TMEM132B: variants seen among roughly 807,000 people sequenced by gnomAD.
TMEM132B encodes the protein transmembrane protein 132B.
TMEM132B carries 18 observed loss-of-function variants against 90.8 expected under a neutral mutation model. The ratio of observed to expected loss-of-function variants is 0.20; its 90% CI spans 0.14 to 0.29. The LOEUF is 0.29. TMEM132B is among the 10% of genes least tolerant of loss of function. The pLI, the probability that TMEM132B is intolerant of heterozygous loss-of-function variation, is 1.00. For synonymous variants in TMEM132B, 504 were observed against 523.3 expected (o/e 0.96, Z 0.50); for missense variants, 1,096 against 1,326.8 (o/e 0.83, Z 2.70).
chr12:125,432,421 ATG>A (rs1880546629), intron 3 of TMEM132B, among the ~76,000 whole-genome samples: 1 of 69,958 alleles, frequency 1.4e-5, no homozygotes, highest in Non-Finnish European at 2.8e-5. Flanking sequence ...ATATATATAT[ATG>A]TATGTGTATA....
rs1887093625 is a variant in TMEM132B, at chr12:125,657,427, G to T, written c.*2717G>T. 1 of 151,648 alleles carries T rather than the reference G, an allele frequency of 6.6e-6. No homozygotes were observed. Among genetic ancestry groups the T allele is most frequent in the Non-Finnish European group, 1.5e-5 (1 of 67,954 alleles). The allele number at this position is 151,648 out of a possible 1,614,324, so 9.4% of individuals were successfully genotyped here. Reference sequence around the variant, plus strand: ...TAAGAATCAACAGTGACTGTCAATTGTTCTCAGATTTGGCATGGATACTAT... The same window carrying T: ...TAAGAATCAACAGTGACTGTCAATTTTTCTCAGATTTGGCATGGATACTAT... On this transcript the variant is annotated 3_prime_UTR_variant, in exon 9 of 9. Coordinates refer to ENST00000682704, the MANE Select transcript of TMEM132B (RefSeq NM_001366854.1).
At chr12:125,260,858 G>A (rs956679208) in intron 1 of TMEM132B, among the ~76,000 whole-genome samples, 6 of 152,194 alleles carry the variant, frequency 3.9e-5, no homozygotes, top group African/African-American at 1.2e-4. Flanking sequence ...CGAGGATGCC[G>A]TGAGCTATGA....
chr12:125,366,451 G>A (rs555701098), intron 2 of TMEM132B, among the ~76,000 whole-genome samples: 7 of 152,136 alleles, frequency 4.6e-5, no homozygotes, highest in African/African-American at 1.7e-4. Context: ...CTTTTTGATA[G>A]TGCCATTTTA....
At chr12:125,534,021 G>A (rs1883724717) in intron 4 of TMEM132B, among the ~76,000 whole-genome samples, 1 of 152,244 alleles carries the variant, frequency 6.6e-6, no homozygotes, top group African/African-American at 2.4e-5. Context: ...TGGGCAGAGA[G>A]ATGACTGTGG....
At chr12:125,454,866 T>C (rs1456975590) in intron 3 of TMEM132B, among the ~76,000 whole-genome samples, 4 of 152,254 alleles carry the variant, frequency 2.6e-5, no homozygotes, top group Non-Finnish European at 4.4e-5. Flanking sequence ...TTAAGTGCTA[T>C]GCACTGATAC....
intron 1 of TMEM132B, among the ~76,000 whole-genome samples, chr12:125,287,781 C>G (rs904077900): frequency 1.1e-4 from 17 of 152,128 alleles, no homozygotes; most frequent in African/African-American, 3.9e-4. Flanking sequence ...TACTAGGGAA[C>G]ACACTACTTA....
At chr12:125,625,670 G>A (rs1886216976) in intron 5 of TMEM132B, among the ~76,000 whole-genome samples, 1 of 152,216 alleles carries the variant, frequency 6.6e-6, no homozygotes, top group South Asian at 2.1e-4. Context: ...TCACCTAGAT[G>A]TGAGATTAAT....
At chr12:125,455,811 T>C (rs2136459803) in intron 3 of TMEM132B, among the ~76,000 whole-genome samples, 1 of 152,322 alleles carries the variant, frequency 6.6e-6, no homozygotes, top group East Asian at 1.9e-4. Flanking sequence ...GTGGAAGTTG[T>C]TGCATTTGCT....
intron 4 of TMEM132B, 72 bp from the exon 5 acceptor site, chr12:125,583,779 T>C: frequency 1.3e-6 from 2 of 1,559,574 alleles, no homozygotes; most frequent in South Asian, 2.4e-5. Flanking sequence ...GGGAGCTTGG[T>C]GGACACCCCT....
At chr12:125,514,561 C>G (rs1037451096) in intron 3 of TMEM132B, among the ~76,000 whole-genome samples, 1 of 152,234 alleles carries the variant, frequency 6.6e-6, no homozygotes, top group Non-Finnish European at 1.5e-5. Flanking sequence ...GACAGCTTCT[C>G]TTGTCCCATT....
At chr12:125,505,572 G>T (rs1882825308) in intron 3 of TMEM132B, among the ~76,000 whole-genome samples, 1 of 151,992 alleles carries the variant, frequency 6.6e-6, no homozygotes, top group Admixed American at 6.6e-5. Flanking sequence ...GGTGGTGCAT[G>T]CCTGTAATCC....
chr12:125,352,506 C>T (rs1877622079), intron 2 of TMEM132B, among the ~76,000 whole-genome samples: 1 of 152,230 alleles, frequency 6.6e-6, no homozygotes, highest in African/African-American at 2.4e-5. Flanking sequence ...CACTTATCGT[C>T]TCTGGACCTT....
chr12:125,335,005 A>G (rs1293218581), intron 1 of TMEM132B, among the ~76,000 whole-genome samples: 1 of 152,242 alleles, frequency 6.6e-6, no homozygotes, highest in Non-Finnish European at 1.5e-5. Context: ...CGCTGAGATC[A>G]CTTCTGAAGA....
intron 5 of TMEM132B, among the ~76,000 whole-genome samples, chr12:125,624,794 A>G (rs1886191562): frequency 6.6e-6 from 1 of 152,112 alleles, no homozygotes; most frequent in African/African-American, 2.4e-5. Context: ...TTCCAGAGTT[A>G]CTTAGGTCAG....
intron 3 of TMEM132B, among the ~76,000 whole-genome samples, chr12:125,425,698 C>T (rs1056957903): frequency 6.6e-6 from 1 of 152,204 alleles, no homozygotes; most frequent in Non-Finnish European, 1.5e-5. Flanking sequence ...TGGACTCATA[C>T]AGTATGTACT....
intron 1 of TMEM132B, among the ~76,000 whole-genome samples, chr12:125,300,257 A>C (rs1039320341): frequency 1.3e-5 from 2 of 151,890 alleles, no homozygotes; most frequent in African/African-American, 4.8e-5. Flanking sequence ...GGTGGTCTCC[A>C]ACTCCTGGCC....
chr12:125,576,118 A>G (rs1884935980), intron 4 of TMEM132B, among the ~76,000 whole-genome samples: 2 of 152,114 alleles, frequency 1.3e-5, no homozygotes, highest in Non-Finnish European at 1.5e-5. Flanking sequence ...AACGTAGGAT[A>G]CATTTTATTT....
In TMEM132B at chr12:125,232,712, G is replaced by A. The variant is rs150125617; in HGVS notation, c.67+45846G>A. Among the ~76,000 whole-genome samples, 9 of 152,270 alleles carry A rather than the reference G, an allele frequency of 5.9e-5. No homozygotes were observed. In the East Asian group the frequency reaches 1.7e-3, roughly 29 times the overall value. On this transcript the variant is annotated intron_variant, in intron 1 of 8. Transcript: ENST00000682704. ...TCATAAATGTGTAAGTAGCTCTCAT[G>A]TTTTTCCTAAGGACCCAAGCTTCAA...
At chr12:125,531,892 TG>T (rs912155512) in intron 4 of TMEM132B, among the ~76,000 whole-genome samples, 5 of 152,156 alleles carry the variant, frequency 3.3e-5, no homozygotes, top group African/African-American at 1.2e-4. Context: ...TGGTGCAGAG[TG>T]GGCACCCTAC....
Sources: gnomAD v4.1 joint callset for allele counts (sites outside exome capture counted in the v4.1 genomes callset) on GRCh38, gnomAD v4.1.1 for gene constraint, MANE v1.5 for transcripts, NCBI Gene and HGNC (gene_info 2026-07-23, HGNC 2026-07-21) for gene names.